OTOG: variants seen among roughly 807,000 people sequenced by gnomAD.
OTOG encodes the protein otogelin.
Under a neutral mutation model 313.8 loss-of-function variants are expected in OTOG, and 296 were observed. The observed-to-expected ratio is 0.94, with a 90% confidence interval of 0.86 to 1.04. The LOEUF (loss-of-function observed/expected upper bound fraction) is 1.04. Ranked by LOEUF, OTOG falls within the 50% of genes least tolerant of loss-of-function variation. OTOG has a pLI of 0.00. For synonymous variants in OTOG, 1,533 were observed against 1,554.9 expected, an observed-to-expected ratio of 0.99 and a Z score of 0.33; for missense variants, 3,948 against 3,840.1, an observed-to-expected ratio of 1.03 and a Z score of -0.74.
chr11:17,590,824 C>T (rs1330814833), intron 24 of OTOG, among the ~76,000 whole-genome samples: 1 of 152,142 alleles, frequency 6.6e-6, no homozygotes, highest in Non-Finnish European at 1.5e-5. Context: ...ATTTGAAATA[C>T]CCTTCTTACA....
At chr11:17,590,741 C>A (rs1419780777) in intron 24 of OTOG, among the ~76,000 whole-genome samples, 1 of 152,226 alleles carries the variant, frequency 6.6e-6, no homozygotes, top group Non-Finnish European at 1.5e-5. Flanking sequence ...TACTCTCTTG[C>A]CCTTGCCCTC....
At chr11:17,629,880 C>T (rs1228031777) in intron 40 of OTOG, among the ~76,000 whole-genome samples, 3 of 152,140 alleles carry the variant, frequency 2.0e-5, no homozygotes, top group Admixed American at 6.5e-5. Context: ...GGATGTGGGC[C>T]GCTGCTCATT....
Position 17,613,327 on chromosome 11 carries a change from CCCTTCCTT to C in OTOG, c.6439-246_6439-239del, listed in dbSNP as rs10580062. ...CTTCTTTCCCTCCCTCTCTGCCCTG[CCCTTCCTT>C]CCTTCCTTCCTTCCTTCCTTCCTTC... On this transcript the variant is annotated intron_variant, in intron 38 of 55. Transcript: ENST00000399397. Among the ~76,000 whole-genome samples the C allele has an allele frequency of 0.038, 3,863 of 102,410 alleles. 160 individuals carry two copies. The highest frequency in any genetic ancestry group is 0.042 in the Non-Finnish European group (2,333 of 55,270). 67.2% of individuals were successfully genotyped at this position (102,410 alleles called of 152,430 possible).
At chr11:17,612,796 G>A in intron 38 of OTOG, 31 bp downstream of exon 38, 1 of 1,545,604 alleles carries the variant, frequency 6.5e-7, no homozygotes, top group Non-Finnish European at 8.7e-7. Context: ...TCCCTGCTGG[G>A]GACTAGGAAT....
chr11:17,607,354 G>A (rs1231377031), intron 33 of OTOG, among the ~76,000 whole-genome samples: 2 of 152,214 alleles, frequency 1.3e-5, no homozygotes, highest in East Asian at 3.9e-4. Flanking sequence ...CTGGTCACTT[G>A]TGCCAAGGTA....
Position 17,610,241 on chromosome 11 carries a change from T to G in OTOG, c.4941T>G (p.Pro1647=), listed in dbSNP as rs1246727520. Residue 1647 remains proline, a synonymous_variant, in exon 36 of 56, where the codon CCT becomes CCG. Transcript: ENST00000399397. ...PSLTASPSSR[P]VASPGAISRS... ...TGACAGCAAGTCCCTCCTCCAGACC[T>G]GTGGCTTCCCCTGGAGCCATCTCCA... is the stretch of plus-strand genomic sequence containing the variant. 1 of 1,550,468 alleles carries G rather than the reference T, an allele frequency of 6.4e-7. No individual in the cohort carries two copies. Among genetic ancestry groups the G allele is most frequent in the South Asian group, 1.2e-5 (1 of 84,052 alleles).
chr11:17,573,081 C>T lies in OTOG; in HGVS notation c.2084C>T (p.Ser695Phe), dbSNP rs1430140899. 6.7e-5 allele frequency: 103 copies of T among 1,546,446 alleles called. No individual in the cohort carries two copies. The highest frequency in any genetic ancestry group is 8.8e-5 in the Non-Finnish European group (101 of 1,145,594). Residue 695 changes from serine (S) to phenylalanine (F), a missense_variant, in exon 19 of 56, where the codon TCC becomes TTC. Coordinates refer to ENST00000399397, the MANE Select transcript of OTOG (RefSeq NM_001292063.2). Reference protein sequence around the residue: ...DPCDVHLQAASYSVQACSVLT... With the variant: ...DPCDVHLQAAFYSVQACSVLT... The stretch of plus-strand genomic sequence containing the variant: ...GCTCCTGTTCTTCCTTCCCCAGCCT[C>T]CTACTCAGTGCAGGCCTGCAGCGTG...
At chr11:17,585,942 A>G (rs780832601) in intron 23 of OTOG, among the ~76,000 whole-genome samples, 1 of 152,246 alleles carries the variant, frequency 6.6e-6, no homozygotes, top group Admixed American at 6.5e-5. Flanking sequence ...GCCCTGCCCC[A>G]GGCTGTATCC....
rs550895099 is a variant in OTOG at position 17,576,854 on chromosome 11, G to A, written c.2562-14G>A. The stretch of plus-strand genomic sequence containing the variant: ...ACTGGGTCGGCTAACCCCAGGGCCC[G>A]TCTCTCTCTGCAGCCACTGCAAAGA... On this transcript the variant is annotated splice_polypyrimidine_tract_variant and intron_variant, in intron 21 of 55. Coordinates refer to ENST00000399397, the MANE Select transcript of OTOG (RefSeq NM_001292063.2). 1.1e-4 allele frequency: 170 copies of A among 1,550,254 alleles called. No individual in the cohort carries two copies. Among genetic ancestry groups the A allele is most frequent in the Admixed American group, 2.6e-4 (13 of 50,956 alleles).
At position 17,645,865 on chromosome 11, in the gene OTOG, A is replaced by G; in HGVS notation, c.8663A>G (p.Gln2888Arg). 1.9e-6 allele frequency: 3 copies of G among 1,550,816 alleles called. 1 individual carries two copies. The highest frequency in any genetic ancestry group is 2.6e-6 in the Non-Finnish European group (3 of 1,147,030). ...REVGLQRRSV[Q>R]LFCATNATWV... Reference sequence around the variant, plus strand: ...GTGGGCCTGCAGCGGCGCTCTGTGCAGCTCTTCTGTGCCACCAATGCCACC... The same window carrying G: ...GTGGGCCTGCAGCGGCGCTCTGTGCGGCTCTTCTGTGCCACCAATGCCACC... The change falls in exon 56 of 56, where the codon CAG becomes CGG. Residue 2888 changes from glutamine to arginine, a missense_variant. Transcript: ENST00000399397.
At chr11:17,606,232 G>T in intron 33 of OTOG, 97 bp downstream of exon 33, 1 of 1,386,980 alleles carries the variant, frequency 7.2e-7, no homozygotes, top group Non-Finnish European at 9.5e-7. Context: ...TTACCCCTAA[G>T]AAGCAGAATC....
rs1015464924 is a variant in OTOG, at chr11:17,641,025, C to T, written c.8124C>T (p.Leu2708=). Reference sequence around the variant, plus strand: ...ACACCTCCCGCTGCACCACCGTGCTCGACCCTCTCACCAACTTCTACCAGA... The same window carrying T: ...ACACCTCCCGCTGCACCACCGTGCTTGACCCTCTCACCAACTTCTACCAGA... ...VCHTSRCTTV[L]DPLTNFYQIN... Residue 2708 remains leucine, a synonymous_variant, in exon 51 of 56, where the codon CTC becomes CTT. Coordinates refer to ENST00000399397, the MANE Select transcript of OTOG (RefSeq NM_001292063.2). 83 of 1,547,680 alleles carry T rather than the reference C, an allele frequency of 5.4e-5. No individual in the cohort carries two copies. In the East Asian group the frequency reaches 1.2e-3, roughly 21 times the overall value.
intron 1 of OTOG, among the ~76,000 whole-genome samples, chr11:17,547,719 G>T (rs1851840282): frequency 6.6e-6 from 1 of 152,102 alleles, no homozygotes; most frequent in South Asian, 2.1e-4. Context: ...AGAGAGAGCT[G>T]GGGGCCAAAG....
In OTOG at chr11:17,642,226, A is replaced by G; in HGVS notation, c.8395A>G (p.Asn2799Asp). 1 of 1,549,816 alleles carries G rather than the reference A, an allele frequency of 6.5e-7. No homozygotes were observed. The highest frequency in any genetic ancestry group is 8.7e-7 in the Non-Finnish European group (1 of 1,146,548). The change falls in exon 53 of 56, where the codon AAT becomes GAT. Residue 2799 changes from asparagine to aspartate, a missense_variant. Physicochemically the swap from Asn to Asp is conservative, Grantham distance 23. Coordinates refer to ENST00000399397, the MANE Select transcript of OTOG (RefSeq NM_001292063.2). The stretch of plus-strand genomic sequence containing the variant: ...CTCTCCCATAAGCTGCCCACCGCTC[A>G]ATGAGACTGAGTGTGCCAAGGTCAG... ...VRSPISCPPL[N>D]ETECAKVGGS...
intron 24 of OTOG, among the ~76,000 whole-genome samples, chr11:17,589,461 G>A (rs962106010): frequency 3.3e-5 from 5 of 152,230 alleles, no homozygotes; most frequent in Middle Eastern, 3.4e-3. Flanking sequence ...CTAAGTGTCC[G>A]TGTTCCTATC....
At chr11:17,580,160 A>C (rs1852633582) in intron 23 of OTOG, among the ~76,000 whole-genome samples, 1 of 152,182 alleles carries the variant, frequency 6.6e-6, no homozygotes, top group South Asian at 2.1e-4. Flanking sequence ...GAATCTCCAA[A>C]GAACGGTCTG....
chr11:17,604,628 C>G (rs763918115), intron 32 of OTOG, among the ~76,000 whole-genome samples: 1 of 152,256 alleles, frequency 6.6e-6, no homozygotes, highest in Non-Finnish European at 1.5e-5. Flanking sequence ...AATTTATTCT[C>G]TCTCCACCCC....
chr11:17,549,657 G>A (rs75617396), intron 3 of OTOG, among the ~76,000 whole-genome samples: 2 of 152,160 alleles, frequency 1.3e-5, no homozygotes, highest in African/African-American at 2.4e-5. Flanking sequence ...ATGTTTTAGT[G>A]GGGGAGATGA....
At chr11:17,588,421 A>G (rs1397043519) in intron 24 of OTOG, among the ~76,000 whole-genome samples, 3 of 151,686 alleles carry the variant, frequency 2.0e-5, no homozygotes, top group Non-Finnish European at 2.9e-5. Flanking sequence ...CCGTGTCACC[A>G]TGGTCGGCAG....
Sources: gnomAD v4.1 joint callset for allele counts (sites outside exome capture counted in the v4.1 genomes callset) on GRCh38, gnomAD v4.1.1 for gene constraint, MANE v1.5 for transcripts, NCBI Gene and HGNC (gene_info 2026-07-23, HGNC 2026-07-21) for gene names.